CACNA2D3: variants seen among roughly 807,000 people sequenced by gnomAD.
The protein encoded by CACNA2D3 is voltage-dependent calcium channel subunit alpha-2/delta-3.
Under a neutral mutation model 160.6 loss-of-function variants are expected in CACNA2D3, and 60 were observed. The ratio of observed to expected loss-of-function variants is 0.37; its 90% CI spans 0.30 to 0.46. The LOEUF (loss-of-function observed/expected upper bound fraction) is 0.46, where lower values mean the gene tolerates loss of function less well. Among genes scored for constraint, CACNA2D3 ranks in the 20% least tolerant of loss-of-function variants. CACNA2D3 has a pLI of 1.00. For missense variants in CACNA2D3, 1,205 were observed against 1,365.0 expected, an observed-to-expected ratio of 0.88 and a Z score of 1.85; for synonymous variants, 558 against 492.9, an observed-to-expected ratio of 1.13 and a Z score of -1.75.
chr3:54,248,101 C>T (rs772974302), intron 2 of CACNA2D3, among the ~76,000 whole-genome samples: 7 of 152,000 alleles, frequency 4.6e-5, no homozygotes, highest in Non-Finnish European at 7.4e-5. Flanking sequence ...AGGTGTAGGT[C>T]GAAGCTCTGA....
At chr3:54,890,495 CAAAAAAAAAAAA>C (rs34740812) in intron 24 of CACNA2D3, among the ~76,000 whole-genome samples, 1 of 60,860 alleles carries the variant, frequency 1.6e-5, no homozygotes, top group Non-Finnish European at 3.2e-5. Context: ...GACTCCGTCT[CAAAAAAAAAAAA>C]AAAAAAAGAA....
chr3:54,690,390 A>C (rs892363061), intron 11 of CACNA2D3, among the ~76,000 whole-genome samples: 7 of 152,174 alleles, frequency 4.6e-5, no homozygotes, highest in Non-Finnish European at 1.0e-4. Flanking sequence ...CCGTTTGCAC[A>C]CAGGGATGGG....
chr3:54,636,756 G>A (rs894424079), intron 10 of CACNA2D3, among the ~76,000 whole-genome samples: 1 of 151,952 alleles, frequency 6.6e-6, no homozygotes, highest in Non-Finnish European at 1.5e-5. Context: ...ACGATCAGCA[G>A]GGAAAGCACG....
At chr3:54,583,785 G>A (rs1051049614) in intron 9 of CACNA2D3, among the ~76,000 whole-genome samples, 2 of 151,946 alleles carry the variant, frequency 1.3e-5, no homozygotes, top group African/African-American at 2.4e-5. Context: ...AAAATGAAAT[G>A]TCTAGGGGCT....
chr3:54,535,876 T>C (rs2106651115), intron 5 of CACNA2D3, among the ~76,000 whole-genome samples: 1 of 152,316 alleles, frequency 6.6e-6, no homozygotes, highest in Non-Finnish European at 1.5e-5. Flanking sequence ...GGTCAATTTG[T>C]CAGTGTCAGC....
intron 11 of CACNA2D3, among the ~76,000 whole-genome samples, chr3:54,750,807 A>G (rs180941611): frequency 4.0e-5 from 6 of 149,924 alleles, no homozygotes; most frequent in Admixed American, 2.7e-4. Flanking sequence ...CCCTCACTCT[A>G]TCACCAGGCT....
In CACNA2D3 at chr3:54,277,688, G is replaced by A. The variant is rs532357412; in HGVS notation, c.205-42754G>A. Among the ~76,000 whole-genome samples the A allele has an allele frequency of 1.1e-3, 170 of 152,156 alleles. 1 individual carries two copies. The highest frequency in any genetic ancestry group is 3.4e-3 in the Middle Eastern group (1 of 294). On this transcript the variant is annotated intron_variant, in intron 2 of 37. Coordinates refer to ENST00000474759, the MANE Select transcript of CACNA2D3 (RefSeq NM_018398.3). ...AAGAAAGTCAGTGGTAGCTTGATGG[G>A]GATAGCATTGAATCTATAAATTACT...
At chr3:54,496,045 C>T (rs1252093518) in intron 4 of CACNA2D3, among the ~76,000 whole-genome samples, 2 of 152,070 alleles carry the variant, frequency 1.3e-5, no homozygotes, top group African/African-American at 4.8e-5. Flanking sequence ...TTTGTTAATC[C>T]TTTAACTGTT....
chr3:54,358,051 G>A (rs928072395), intron 3 of CACNA2D3, among the ~76,000 whole-genome samples: 10 of 152,310 alleles, frequency 6.6e-5, no homozygotes, highest in African/African-American at 2.4e-4. Flanking sequence ...TAAACTATGG[G>A]CTTTAATTAA....
At chr3:54,274,716 G>T (rs995164815) in intron 2 of CACNA2D3, among the ~76,000 whole-genome samples, 6 of 152,206 alleles carry the variant, frequency 3.9e-5, no homozygotes, top group African/African-American at 1.4e-4. Flanking sequence ...GCGGACTGCA[G>T]TCTCACCTGA....
chr3:54,392,874 G>GA (rs764323799), intron 4 of CACNA2D3, among the ~76,000 whole-genome samples: 34 of 152,056 alleles, frequency 2.2e-4, no homozygotes, highest in Non-Finnish European at 4.6e-4. Context: ...CTAGGAAAAG[G>GA]AAGCCTTTCT....
chr3:54,785,315 C>T (rs1251431872), intron 13 of CACNA2D3, among the ~76,000 whole-genome samples: 1 of 152,120 alleles, frequency 6.6e-6, no homozygotes, highest in East Asian at 1.9e-4. Flanking sequence ...CTCAGCTTCT[C>T]CAATTGAAGA....
At chr3:54,550,545 T>G (rs1228321807) in intron 5 of CACNA2D3, among the ~76,000 whole-genome samples, 1 of 152,210 alleles carries the variant, frequency 6.6e-6, no homozygotes, top group African/African-American at 2.4e-5. Flanking sequence ...TACAGTTCTG[T>G]CTATTGGAGA....
chr3:54,211,747 G>C (rs9846400), intron 2 of CACNA2D3, among the ~76,000 whole-genome samples: 13 of 152,168 alleles, frequency 8.5e-5, no homozygotes, highest in African/African-American at 3.1e-4. Flanking sequence ...ACCAGTGTAC[G>C]TAAACATCTA....
chr3:54,862,714 A>G (rs578168651), intron 17 of CACNA2D3, among the ~76,000 whole-genome samples: 13 of 152,248 alleles, frequency 8.5e-5, no homozygotes, highest in African/African-American at 3.1e-4. Flanking sequence ...ACAGGATATG[A>G]GTCAATGGGC....
intron 34 of CACNA2D3, among the ~76,000 whole-genome samples, chr3:55,014,046 A>G (rs1703269323): frequency 6.6e-6 from 1 of 152,182 alleles, no homozygotes; most frequent in African/African-American, 2.4e-5. Flanking sequence ...CCAGGCTCGC[A>G]TCTGGACCCC....
chr3:54,689,285 G>A (rs578191836), intron 11 of CACNA2D3, among the ~76,000 whole-genome samples: 1 of 152,150 alleles, frequency 6.6e-6, no homozygotes, highest in African/African-American at 2.4e-5. Context: ...TTCCCGCTCA[G>A]TTCTTCCAGC....
chr3:54,400,780 G>A (rs531578383), intron 4 of CACNA2D3, among the ~76,000 whole-genome samples: 1 of 152,296 alleles, frequency 6.6e-6, no homozygotes, highest in Non-Finnish European at 1.5e-5. Flanking sequence ...GTAAAGTTTG[G>A]AAGAGGTGAT....
chr3:54,587,440 C>A (rs542626689), intron 9 of CACNA2D3, among the ~76,000 whole-genome samples: 100 of 152,018 alleles, frequency 6.6e-4, no homozygotes, highest in African/African-American at 2.4e-3. Context: ...GCCTATAGTC[C>A]CAGCTACTCG....
Sources: gnomAD v4.1 joint callset for allele counts (sites outside exome capture counted in the v4.1 genomes callset) on GRCh38, gnomAD v4.1.1 for gene constraint, MANE v1.5 for transcripts, NCBI Gene and HGNC (gene_info 2026-07-23, HGNC 2026-07-21) for gene names.